The following CDH13 variants were observed in gnomAD, a reference collection of about 807,000 sequenced individuals.
CDH13 encodes the protein cadherin 13.
Under a neutral mutation model 63.8 loss-of-function variants are expected in CDH13, and 24 were observed. The observed-to-expected ratio is 0.38, with a 90% CI of 0.27 to 0.53. The LOEUF (loss-of-function observed/expected upper bound fraction) is 0.53, where lower values mean the gene tolerates loss of function less well. Among genes scored for constraint, CDH13 ranks in the 20% least tolerant of loss-of-function variants. The pLI is 0.85. For synonymous variants in CDH13, 503 were observed against 355.3 expected, an observed-to-expected ratio of 1.42 and a Z score of -4.67; for missense variants, 1,049 against 903.1, an observed-to-expected ratio of 1.16 and a Z score of -2.07.
intron 6 of CDH13, among the ~76,000 whole-genome samples, chr16:83,411,112 A>G (rs1159539992): frequency 6.6e-6 from 1 of 152,304 alleles, no homozygotes; most frequent in East Asian, 1.9e-4. Context: ...CCAGACAGAT[A>G]GGGTTCTTTC....
intron 1 of CDH13, among the ~76,000 whole-genome samples, chr16:82,628,033 C>T (rs114904870): frequency 6.6e-6 from 1 of 152,358 alleles, no homozygotes; most frequent in African/African-American, 2.4e-5. Flanking sequence ...AGATGCGGTC[C>T]GCCTGCAGTC....
intron 6 of CDH13, among the ~76,000 whole-genome samples, chr16:83,464,091 T>A (rs1483678576): frequency 6.6e-6 from 1 of 152,172 alleles, no homozygotes; most frequent in African/African-American, 2.4e-5. Context: ...TGTTTTGTTT[T>A]GAGACAGAGT....
chr16:83,261,186 G>A (rs1906945543), intron 5 of CDH13, among the ~76,000 whole-genome samples: 1 of 152,178 alleles, frequency 6.6e-6, no homozygotes. Context: ...AAGGGGGCGT[G>A]CATGCGGAGT....
chr16:82,976,526 C>A (rs1473622481), intron 2 of CDH13, among the ~76,000 whole-genome samples: 2 of 152,102 alleles, frequency 1.3e-5, no homozygotes, highest in African/African-American at 4.8e-5. Flanking sequence ...GTCATTTAGT[C>A]TGTCCCTGTG....
chr16:83,712,061 A>T (rs567382863), intron 10 of CDH13, among the ~76,000 whole-genome samples: 54 of 152,168 alleles, frequency 3.5e-4, no homozygotes, highest in African/African-American at 1.2e-3. Context: ...TCTGTGCCCT[A>T]ATCTCTTCTC....
At chr16:83,028,850 G>A (rs764809864) in intron 2 of CDH13, among the ~76,000 whole-genome samples, 2 of 152,176 alleles carry the variant, frequency 1.3e-5, no homozygotes, top group Non-Finnish European at 2.9e-5. Flanking sequence ...GGGAACTACT[G>A]TATTCAGGTT....
intron 4 of CDH13, among the ~76,000 whole-genome samples, chr16:83,193,056 G>A (rs28515664): frequency 5.3e-5 from 8 of 151,798 alleles, no homozygotes; most frequent in East Asian, 3.9e-4. Flanking sequence ...TGGCACACTC[G>A]GAGTTGTCTG....
intron 7 of CDH13, among the ~76,000 whole-genome samples, chr16:83,550,270 A>G (rs963709558): frequency 4.6e-5 from 7 of 152,238 alleles, no homozygotes; most frequent in Non-Finnish European, 8.8e-5. Context: ...GTTTGAAGCC[A>G]GGGTGAACTC....
chr16:82,919,581 G>C (rs995973997), intron 2 of CDH13, among the ~76,000 whole-genome samples: 10 of 152,280 alleles, frequency 6.6e-5, no homozygotes, highest in African/African-American at 2.4e-4. Flanking sequence ...CAGTGTACTT[G>C]TACCACATTT....
intron 1 of CDH13, among the ~76,000 whole-genome samples, chr16:82,788,633 C>T (rs1597584584): frequency 6.6e-6 from 1 of 152,188 alleles, no homozygotes; most frequent in South Asian, 2.1e-4. Flanking sequence ...TATGAAATTA[C>T]CCCTCGTTCT....
intron 11 of CDH13, among the ~76,000 whole-genome samples, chr16:83,764,852 C>G (rs1399379814): frequency 2.0e-5 from 3 of 152,216 alleles, no homozygotes; most frequent in African/African-American, 7.2e-5. Flanking sequence ...GTCCTGGCCT[C>G]CTCACTCAAG....
chr16:83,768,510 G>T (rs1270012031), intron 11 of CDH13, among the ~76,000 whole-genome samples: 1 of 152,190 alleles, frequency 6.6e-6, no homozygotes, highest in Non-Finnish European at 1.5e-5. Flanking sequence ...CCAAGAGAGG[G>T]TTCTTGGATC....
chr16:82,739,754 T>TA (rs531521087), intron 1 of CDH13, among the ~76,000 whole-genome samples: 4 of 152,108 alleles, frequency 2.6e-5, no homozygotes, highest in East Asian at 1.9e-4. Context: ...ATTAGCAAGT[T>TA]AAAAAAAACT....
chr16:82,780,841 C>T (rs2035721211), intron 1 of CDH13, among the ~76,000 whole-genome samples: 1 of 152,196 alleles, frequency 6.6e-6, no homozygotes, highest in Non-Finnish European at 1.5e-5. Context: ...GTAATAAAAA[C>T]TGTAATAACC....
At chr16:83,084,374 TC>T (rs1355382672) in intron 3 of CDH13, among the ~76,000 whole-genome samples, 1 of 152,198 alleles carries the variant, frequency 6.6e-6, no homozygotes, top group African/African-American at 2.4e-5. Flanking sequence ...GAAGTATTCA[TC>T]TTCTCTTTGT....
At chr16:83,605,736 T>C (rs1908269833) in intron 8 of CDH13, among the ~76,000 whole-genome samples, 1 of 152,208 alleles carries the variant, frequency 6.6e-6, no homozygotes, top group African/African-American at 2.4e-5. Context: ...GACAGTGATG[T>C]TTCCAAAATG....
intron 5 of CDH13, among the ~76,000 whole-genome samples, chr16:83,315,412 G>C (rs2090084854): frequency 6.6e-6 from 1 of 152,178 alleles, no homozygotes; most frequent in Non-Finnish European, 1.5e-5. Context: ...GGAGTTAACT[G>C]TGTGCACATT....
intron 2 of CDH13, among the ~76,000 whole-genome samples, chr16:82,963,094 G>C (rs1907267693): frequency 6.6e-6 from 1 of 152,114 alleles, no homozygotes; most frequent in African/African-American, 2.4e-5. Flanking sequence ...AAACAGGCCA[G>C]GTGTGGTGGC....
intron 1 of CDH13, among the ~76,000 whole-genome samples, chr16:82,663,217 G>A (rs1024858538): frequency 5.9e-5 from 9 of 152,084 alleles, no homozygotes; most frequent in East Asian, 1.9e-4. Flanking sequence ...AGGGAGTTTC[G>A]CTGTTGTTGC....
Sources: allele counts gnomAD v4.1 joint callset (sites outside exome capture counted in the v4.1 genomes callset), GRCh38; gene constraint gnomAD v4.1.1; transcripts MANE v1.5; gene names NCBI Gene and HGNC (gene_info 2026-07-23, HGNC 2026-07-21).